Variants in FRYL observed in about 807,000 individuals in gnomAD.
FRYL encodes FRY like transcription coactivator, also known as protein furry homolog-like.
A neutral mutation model predicts 351.2 loss-of-function variants in FRYL; 150 were observed. That is an observed-to-expected ratio of 0.43 (90% CI 0.37 to 0.49). The LOEUF is 0.49. Among genes scored for constraint, FRYL ranks in the 20% least tolerant of loss-of-function variants. The pLI is 0.00. For missense variants in FRYL, 3,036 were observed against 3,619.3 expected, an observed-to-expected ratio of 0.84 and a Z score of 4.13; for synonymous variants, 1,153 against 1,257.1, an observed-to-expected ratio of 0.92 and a Z score of 1.75.
At chr4:48,640,723 G>A (rs888339718) in intron 3 of FRYL, among the ~76,000 whole-genome samples, 12 of 152,146 alleles carry the variant, frequency 7.9e-5, no homozygotes, top group African/African-American at 2.9e-4. Context: ...TGGGAGTGGA[G>A]AGAGGGTATG....
chr4:48,651,256 GTGT>G (rs2149431509), intron 3 of FRYL, among the ~76,000 whole-genome samples: 1 of 107,528 alleles, frequency 9.3e-6, no homozygotes, highest in East Asian at 3.0e-4. Flanking sequence ...GTGTGTGTGT[GTGT>G]AGTGGTAGAA....
chr4:48,561,902 G>T (rs1447263669), intron 32 of FRYL, among the ~76,000 whole-genome samples: 1 of 152,128 alleles, frequency 6.6e-6, no homozygotes, highest in Admixed American at 6.5e-5. Context: ...TGTGGTCCCA[G>T]CTACTCAGGA....
At chr4:48,650,479 A>T (rs1224496276) in intron 3 of FRYL, among the ~76,000 whole-genome samples, 3 of 152,256 alleles carry the variant, frequency 2.0e-5, no homozygotes, top group African/African-American at 7.2e-5. Context: ...AGAAGAGAAC[A>T]GATGAAGCAT....
At chr4:48,663,278 G>A (rs1761129761) in intron 3 of FRYL, among the ~76,000 whole-genome samples, 1 of 151,446 alleles carries the variant, frequency 6.6e-6, no homozygotes, top group South Asian at 2.1e-4. Flanking sequence ...AGTAGGCTGT[G>A]AGAAGTTGAA....
In FRYL at chr4:48,550,642, A is replaced by G; in HGVS notation, c.4583T>C (p.Leu1528Pro). 1 of 1,614,062 alleles carries G rather than the reference A, an allele frequency of 6.2e-7. No homozygotes were observed. Among genetic ancestry groups the G allele is most frequent in the Non-Finnish European group, 8.5e-7 (1 of 1,179,914 alleles). Residue 1528 changes from leucine to proline, a missense_variant, in exon 38 of 64, where the codon CTA (leucine) becomes CCA (proline). Leu to Pro is a moderately conservative substitution (Grantham distance 98, BLOSUM62 -3). Transcript: ENST00000358350. ...AGAGCTGCTACTGTATCGGGATTCT[A>G]GTCTGTGATGTTGCCGATTCAAATG... ...NSHLNRQHHR[L>P]ESRYSSSSGG...
At chr4:48,533,809 CT>C (rs1728256191) in intron 49 of FRYL, among the ~76,000 whole-genome samples, 1 of 152,186 alleles carries the variant, frequency 6.6e-6, no homozygotes, top group Admixed American at 6.5e-5. Flanking sequence ...ATATCTGGCA[CT>C]TTTTATCAGA....
chr4:48,668,649 G>A (rs772873430), intron 3 of FRYL, among the ~76,000 whole-genome samples: 2 of 152,204 alleles, frequency 1.3e-5, no homozygotes, highest in Non-Finnish European at 2.9e-5. Context: ...ACAAAAGTCA[G>A]ACCAACTCAG....
rs2149162166 is a variant in FRYL, at chr4:48,581,486, A to G, written c.2106T>C (p.Thr702=). The G allele has an allele frequency of 6.2e-7, 1 of 1,614,124 alleles. No homozygotes were observed. The highest frequency in any genetic ancestry group is 8.5e-7 in the Non-Finnish European group (1 of 1,179,976). ...TAAGGACACTGACGGCTAGTCTCCT[A>G]GTGGCAGGTCGACTGCTACAGAGAA... ...LVILCSSRPA[T]RRLAVSVLRE... Residue 702 remains threonine, a synonymous_variant, in exon 21 of 64, where the codon ACT becomes ACC. Transcript: ENST00000358350.
intron 2 of FRYL, among the ~76,000 whole-genome samples, chr4:48,699,092 G>A (rs1183864165): frequency 6.6e-6 from 1 of 152,078 alleles, no homozygotes; most frequent in African/African-American, 2.4e-5. Context: ...AACTGACAAA[G>A]CTAATAAATG....
chr4:48,598,603 G>A (rs1332314082), intron 13 of FRYL, among the ~76,000 whole-genome samples: 2 of 152,132 alleles, frequency 1.3e-5, no homozygotes, highest in Non-Finnish European at 2.9e-5. Flanking sequence ...TGAAGAATCA[G>A]CATTCAGTGT....
At chr4:48,583,599 T>A (rs1741411619) in intron 19 of FRYL, among the ~76,000 whole-genome samples, 1 of 150,992 alleles carries the variant, frequency 6.6e-6, no homozygotes, top group East Asian at 1.9e-4. Context: ...AAATGGTACA[T>A]GCCTAGAAAA....
chr4:48,739,716 G>A (rs1451339328), intron 1 of FRYL, among the ~76,000 whole-genome samples: 2 of 152,112 alleles, frequency 1.3e-5, no homozygotes, highest in South Asian at 2.1e-4. Flanking sequence ...CTGGTATCAC[G>A]GTTTGAATGT....
At chr4:48,671,858 CAAAAAAAAAAAAAACAAAAAA>C (rs1163341525) in intron 3 of FRYL, among the ~76,000 whole-genome samples, 4 of 22,398 alleles carry the variant, frequency 1.8e-4, no homozygotes, top group Non-Finnish European at 3.6e-4. Flanking sequence ...GTCTCAAAAA[CAAAAAAAAAAAAAACAAAAAA>C]AAAAAAAAAA....
At chr4:48,760,130 G>A (rs183500623) in intron 1 of FRYL, among the ~76,000 whole-genome samples, 18 of 151,910 alleles carry the variant, frequency 1.2e-4, no homozygotes, top group African/African-American at 4.1e-4. Context: ...AAGATTCAGA[G>A]ACTCCACCCT....
intron 61 of FRYL, among the ~76,000 whole-genome samples, 159 bp from the exon 62 acceptor site, chr4:48,501,892 A>C (rs1719764490): frequency 6.6e-6 from 1 of 152,242 alleles, no homozygotes; most frequent in Non-Finnish European, 1.5e-5. Context: ...ATATGCTTTA[A>C]AGACTAAGAT....
chr4:48,618,963 C>G, intron 7 of FRYL: 1 of 229,548 alleles, frequency 4.4e-6, no homozygotes, highest in South Asian at 1.1e-4. Flanking sequence ...GAATAAGGGA[C>G]TGAAGTAGCT....
intron 1 of FRYL, among the ~76,000 whole-genome samples, chr4:48,737,904 T>G (rs1771620378): frequency 6.6e-6 from 1 of 152,058 alleles, no homozygotes; most frequent in Non-Finnish European, 1.5e-5. Flanking sequence ...TCTGACAAAA[T>G]ACAACACTCA....
chr4:48,721,136 CA>C (rs1220314862), intron 1 of FRYL, among the ~76,000 whole-genome samples: 1 of 152,112 alleles, frequency 6.6e-6, no homozygotes, highest in African/African-American at 2.4e-5. Flanking sequence ...ATTTTGTTTT[CA>C]TTATAGAACT....
At chr4:48,619,473 T>G in intron 6 of FRYL, 103 bp from the exon 7 acceptor site, 1 of 591,316 alleles carries the variant, frequency 1.7e-6, no homozygotes, top group East Asian at 3.0e-5. Flanking sequence ...CTATGTAAAA[T>G]GTGCTACAGC....
Sources: gnomAD v4.1 joint callset for allele counts (sites outside exome capture counted in the v4.1 genomes callset) on GRCh38, gnomAD v4.1.1 for gene constraint, MANE v1.5 for transcripts, NCBI Gene and HGNC (gene_info 2026-07-23, HGNC 2026-07-21) for gene names.